The following ZFHX3 variants were observed in gnomAD, a reference collection of about 807,000 sequenced individuals.
The protein encoded by ZFHX3 is zinc finger homeobox 3, also known as zinc finger homeobox protein 3.
ZFHX3 carries 42 observed loss-of-function variants against 279.1 expected under a neutral mutation model. The observed-to-expected ratio is 0.15, with a 90% confidence interval of 0.12 to 0.19. The LOEUF (loss-of-function observed/expected upper bound fraction) is 0.19, where lower values mean the gene tolerates loss of function less well. Ranked by LOEUF, ZFHX3 falls within the 10% of genes least tolerant of loss-of-function variation. ZFHX3 has a pLI of 1.00. For synonymous variants in ZFHX3, 2,293 were observed against 1,957.8 expected (o/e 1.17, Z -4.52); for missense variants, 4,981 against 4,754.0 (o/e 1.05, Z -1.40).
At chr16:72,961,856 T>C (rs1453216299) in intron 1 of ZFHX3, among the ~76,000 whole-genome samples, 2 of 151,892 alleles carry the variant, frequency 1.3e-5, no homozygotes, top group Non-Finnish European at 2.9e-5. Flanking sequence ...AGAAAGGACA[T>C]ACTGACTTAA....
intron 3 of ZFHX3, among the ~76,000 whole-genome samples, chr16:73,437,592 C>T (rs2018018807): frequency 6.6e-6 from 1 of 152,104 alleles, no homozygotes; most frequent in South Asian, 2.1e-4. Flanking sequence ...TGTGTTACAT[C>T]CTTTTCTTCC....
chr16:73,285,679 G>A (rs915426712), intron 4 of ZFHX3, among the ~76,000 whole-genome samples: 6 of 152,216 alleles, frequency 3.9e-5, no homozygotes, highest in African/African-American at 1.4e-4. Flanking sequence ...ATCCCAAGAT[G>A]GGCGGAGCTT....
chr16:73,563,290 C>T (rs993728474), intron 2 of ZFHX3, among the ~76,000 whole-genome samples: 2 of 149,684 alleles, frequency 1.3e-5, no homozygotes, highest in Non-Finnish European at 3.0e-5. Flanking sequence ...CGGGCTGGAG[C>T]GCATTGGTGT....
At chr16:73,543,441 G>A (rs1206755665) in intron 2 of ZFHX3, among the ~76,000 whole-genome samples, 1 of 152,142 alleles carries the variant, frequency 6.6e-6, no homozygotes, top group Non-Finnish European at 1.5e-5. Flanking sequence ...TTGTGACCTG[G>A]AGGAAGCCTG....
intron 2 of ZFHX3, among the ~76,000 whole-genome samples, chr16:73,599,574 C>G (rs2052089222): frequency 6.6e-6 from 1 of 152,210 alleles, no homozygotes; most frequent in Non-Finnish European, 1.5e-5. Context: ...TTACATTTCA[C>G]AAGCAAACAC....
intron 3 of ZFHX3, among the ~76,000 whole-genome samples, chr16:72,918,695 CTTTTT>C (rs568638106): frequency 7.7e-6 from 1 of 130,698 alleles, no homozygotes; most frequent in Non-Finnish European, 1.7e-5. Flanking sequence ...AAAGGTAGTT[CTTTTT>C]TTTTTTTTTT....
At chr16:73,760,235 C>T (rs62043699) in intron 1 of ZFHX3, among the ~76,000 whole-genome samples, 20,053 of 151,910 alleles carry the variant, frequency 0.13, 1,354 homozygotes, top group East Asian at 0.21. Context: ...AAGACTGAAC[C>T]AGAAAGAAAT....
At chr16:73,805,924 A>T (rs1309904570) in intron 1 of ZFHX3, among the ~76,000 whole-genome samples, 1 of 152,210 alleles carries the variant, frequency 6.6e-6, no homozygotes, top group African/African-American at 2.4e-5. Flanking sequence ...GTATTATTCC[A>T]TTCTCAGGCT....
intron 3 of ZFHX3, among the ~76,000 whole-genome samples, chr16:73,331,383 A>G (rs1320443196): frequency 6.6e-6 from 1 of 152,208 alleles, no homozygotes; most frequent in African/African-American, 2.4e-5. Context: ...GGGCATCCTG[A>G]GAGTAGAAAA....
chr16:73,135,661 A>G (rs1464822008), intron 6 of ZFHX3, among the ~76,000 whole-genome samples: 1 of 151,992 alleles, frequency 6.6e-6, no homozygotes, highest in Non-Finnish European at 1.5e-5. Flanking sequence ...AATCAAATTG[A>G]TTGCCAACAA....
chr16:73,660,861 C>G (rs989062077), intron 2 of ZFHX3, among the ~76,000 whole-genome samples: 4 of 152,194 alleles, frequency 2.6e-5, no homozygotes, highest in African/African-American at 7.2e-5. Flanking sequence ...TAACTTCATG[C>G]AAACCTTCCC....
At chr16:73,285,355 C>T (rs2143075932) in intron 4 of ZFHX3, among the ~76,000 whole-genome samples, 2 of 152,298 alleles carry the variant, frequency 1.3e-5, no homozygotes, top group Non-Finnish European at 2.9e-5. Flanking sequence ...GGGACCATTA[C>T]TACCTAACAC....
At chr16:73,063,120 C>T (rs553163625), upstream of ZFHX3, among the ~76,000 whole-genome samples, 2 of 152,276 alleles carry the variant, frequency 1.3e-5, no homozygotes, top group South Asian at 4.1e-4. Flanking sequence ...AGGTGCCGCG[C>T]GGAGGAGGCG....
chr16:72,820,524 C>T (rs1207026637), intron 5 of ZFHX3, among the ~76,000 whole-genome samples: 2 of 152,184 alleles, frequency 1.3e-5, no homozygotes, highest in Non-Finnish European at 2.9e-5. Context: ...ACCGTGAGCC[C>T]GGCTCATGCC....
At chr16:73,545,454 T>C (rs1183558761) in intron 2 of ZFHX3, among the ~76,000 whole-genome samples, 1 of 152,176 alleles carries the variant, frequency 6.6e-6, no homozygotes, top group Non-Finnish European at 1.5e-5. Flanking sequence ...TTCATTTGTG[T>C]TTACATTTCT....
chr16:73,329,123 A>G (rs1370794978), intron 3 of ZFHX3, among the ~76,000 whole-genome samples: 1 of 152,270 alleles, frequency 6.6e-6, no homozygotes, highest in Non-Finnish European at 1.5e-5. Flanking sequence ...TAGTTAAAAC[A>G]AAACCTTTCC....
chr16:73,716,588 T>C (rs2053416359), intron 1 of ZFHX3, among the ~76,000 whole-genome samples: 3 of 150,292 alleles, frequency 2.0e-5, no homozygotes, highest in African/African-American at 7.4e-5. Context: ...AGTAAGTTCC[T>C]TCTCCCCCAG....
At chr16:73,374,986 T>G (rs1421983042) in intron 3 of ZFHX3, among the ~76,000 whole-genome samples, 1 of 152,222 alleles carries the variant, frequency 6.6e-6, no homozygotes, top group Non-Finnish European at 1.5e-5. Flanking sequence ...TGTGAATAGT[T>G]ATTTATAATA....
chr16:73,299,695 T>C (rs576740049), intron 4 of ZFHX3, among the ~76,000 whole-genome samples: 45 of 152,346 alleles, frequency 3.0e-4, no homozygotes, highest in African/African-American at 1.1e-3. Flanking sequence ...AAGGGCAGGC[T>C]GACTGGCCCT....
Sources: gnomAD v4.1 joint callset for allele counts (sites outside exome capture counted in the v4.1 genomes callset) on GRCh38, gnomAD v4.1.1 for gene constraint, MANE v1.5 for transcripts, NCBI Gene and HGNC (gene_info 2026-07-23, HGNC 2026-07-21) for gene names.